SYT9: variants seen among roughly 807,000 people sequenced by gnomAD.
SYT9 encodes synaptotagmin-9.
In SYT9, 22 loss-of-function variants were observed where a neutral mutation model predicts 48.4. The observed-to-expected ratio is 0.45, with a 90% CI of 0.32 to 0.65. The LOEUF is 0.65. Ranked by LOEUF, SYT9 falls within the 30% of genes least tolerant of loss-of-function variation. The pLI, the probability that SYT9 is intolerant of heterozygous loss-of-function variation, is 0.03. For synonymous variants in SYT9, 265 were observed against 245.0 expected (o/e 1.08, Z -0.76); for missense variants, 577 against 622.0 (o/e 0.93, Z 0.77).
At chr11:7,430,388 G>A (rs1247371153) in intron 6 of SYT9, among the ~76,000 whole-genome samples, 1 of 152,152 alleles carries the variant, frequency 6.6e-6, no homozygotes, top group Non-Finnish European at 1.5e-5. Flanking sequence ...ACTATGATGA[G>A]TTATACTCAA....
intron 3 of SYT9, among the ~76,000 whole-genome samples, chr11:7,414,804 A>G (rs1451509620): frequency 6.6e-6 from 1 of 152,206 alleles, no homozygotes. Flanking sequence ...CCAGAGCCGA[A>G]TCTGTGCTTC....
At chr11:7,259,689 T>C (rs975437213) in intron 1 of SYT9, among the ~76,000 whole-genome samples, 2 of 152,196 alleles carry the variant, frequency 1.3e-5, no homozygotes, top group African/African-American at 4.8e-5. Context: ...GAATTTTTTG[T>C]GTTCTCTACC....
chr11:7,385,005 C>T (rs911726180), intron 3 of SYT9, among the ~76,000 whole-genome samples: 4 of 152,148 alleles, frequency 2.6e-5, no homozygotes, highest in African/African-American at 9.7e-5. Context: ...CTCATAATGC[C>T]TTTCCTGACC....
At chr11:7,335,664 G>T (rs1372729568) in intron 3 of SYT9, among the ~76,000 whole-genome samples, 1 of 152,086 alleles carries the variant, frequency 6.6e-6, no homozygotes, top group Non-Finnish European at 1.5e-5. Context: ...TTTTATGGAT[G>T]CATAGTAGTC....
chr11:7,419,451 AG>A lies in SYT9; in HGVS notation c.1338-1052del, dbSNP rs202245760. ...GAGAAAAATCACTCATCTTTGCAGG[AG>A]GGAAAAAAAAAAGAGAAAGTATGTG... On this transcript the variant is annotated intron_variant, in intron 5 of 6. Transcript: ENST00000318881. 1.9e-4 allele frequency among the ~76,000 whole-genome samples: 28 copies of A among 150,870 alleles called. No homozygotes were observed. The East Asian group carries it at 4.1e-3, about 22-fold the overall frequency.
Position 7,421,500 on chromosome 11 carries a change from G to A in SYT9, c.1467+865G>A, listed in dbSNP as rs116284348. On this transcript the variant is annotated intron_variant, in intron 6 of 6. Coordinates refer to ENST00000318881, the MANE Select transcript of SYT9 (RefSeq NM_175733.4). ...TAACCTTTTTGTTGGGTGTCAATGT[G>A]TCCAACTAAAAACCAGGGTTCTGTT... is the stretch of plus-strand genomic sequence containing the variant. Among the ~76,000 whole-genome samples the A allele has an allele frequency of 9.4e-3, 1,434 of 152,302 alleles. 26 individuals are homozygous for A. The highest frequency in any genetic ancestry group is 0.033 in the African/African-American group (1,376 of 41,558).
chr11:7,436,316 A>C (rs1265489227), intron 6 of SYT9, among the ~76,000 whole-genome samples: 2 of 152,196 alleles, frequency 1.3e-5, no homozygotes, highest in East Asian at 3.8e-4. Flanking sequence ...GGTTAGGAAA[A>C]GGGAGAGAAG....
intron 3 of SYT9, among the ~76,000 whole-genome samples, chr11:7,391,735 T>TAAATAAAAAAAAAAA (rs1846615100): frequency 2.8e-5 from 1 of 35,940 alleles, no homozygotes; most frequent in Non-Finnish European, 5.0e-5. Flanking sequence ...ACCCCATCTC[T>TAAATAAAAAAAAAAA]AAAAAAAAAA....
chr11:7,262,096 T>TGATA (rs994319868), intron 1 of SYT9, among the ~76,000 whole-genome samples: 2 of 151,806 alleles, frequency 1.3e-5, no homozygotes, highest in African/African-American at 4.8e-5. Context: ...TGGACCAGAG[T>TGATA]GATAGCAGTG....
intron 6 of SYT9, among the ~76,000 whole-genome samples, chr11:7,421,283 A>G (rs1337674987): frequency 6.6e-6 from 1 of 151,876 alleles, no homozygotes; most frequent in African/African-American, 2.4e-5. Flanking sequence ...TCATTATACA[A>G]TATGGCTGCT....
intron 3 of SYT9, among the ~76,000 whole-genome samples, chr11:7,351,179 T>C (rs1357752106): frequency 1.3e-5 from 2 of 152,230 alleles, no homozygotes; most frequent in Non-Finnish European, 2.9e-5. Context: ...AATGGTTAAG[T>C]ATCATGAACT....
At chr11:7,241,146 C>T (rs1183612694) in intron 1 of SYT9, among the ~76,000 whole-genome samples, 1 of 152,028 alleles carries the variant, frequency 6.6e-6, no homozygotes, top group East Asian at 1.9e-4. Flanking sequence ...ACTTCCTCTA[C>T]TGGCCAAGCC....
chr11:7,245,658 C>G (rs1847783318), intron 1 of SYT9, among the ~76,000 whole-genome samples: 1 of 152,144 alleles, frequency 6.6e-6, no homozygotes, highest in Non-Finnish European at 1.5e-5. Context: ...AAGATCAAGG[C>G]ACTGGCATCT....
Position 7,252,301 on chromosome 11 carries a change from G to T in SYT9, c.115G>T (p.Asp39Tyr). ...CCAGGATTTCATTTACCACCTGCGG[G>T]ACCGTGCCAGACCCCGGCTCCGCGA... ...SCQDFIYHLR[D>Y]RARPRLRDPD... The change falls in exon 1 of 7, where the codon GAC (aspartate) becomes TAC (tyrosine). Residue 39 changes from aspartate (D) to tyrosine (Y), a missense_variant. Physicochemically the swap from Asp to Tyr is radical, Grantham distance 160. Transcript: ENST00000318881. This position sits in a 1 kb window ranked among gnomAD's most constrained non-coding sequence, Gnocchi z 6.3. The T allele has an allele frequency of 6.6e-7, 1 of 1,506,050 alleles. No individual in the cohort carries two copies. Among genetic ancestry groups the T allele is most frequent in the East Asian group, 2.8e-5 (1 of 35,530 alleles). The allele number at this position is 1,506,050 out of a possible 1,614,324, so 93.3% of individuals were successfully genotyped here.
chr11:7,243,943 A>AT (rs10631365), intron 1 of SYT9, among the ~76,000 whole-genome samples: 3,274 of 148,134 alleles, frequency 0.022, 107 homozygotes, highest in African/African-American at 0.074. Flanking sequence ...TGCAGAAAGC[A>AT]TTTTTTTTTT....
chr11:7,281,478 A>G (rs567848108), intron 1 of SYT9, among the ~76,000 whole-genome samples: 2 of 152,318 alleles, frequency 1.3e-5, no homozygotes, highest in East Asian at 3.8e-4. Context: ...TGATGTTATG[A>G]TATTACTGCT....
chr11:7,347,044 A>G (rs1193191506), intron 3 of SYT9, among the ~76,000 whole-genome samples: 3 of 152,146 alleles, frequency 2.0e-5, no homozygotes, highest in Admixed American at 6.5e-5. Flanking sequence ...CCCTTTGTCC[A>G]TGTTTGCTGA....
At chr11:7,381,496 A>T (rs578100375) in intron 3 of SYT9, among the ~76,000 whole-genome samples, 145 of 152,324 alleles carry the variant, frequency 9.5e-4, no homozygotes, top group Middle Eastern at 3.4e-3. Flanking sequence ...CTGCCCTGTC[A>T]TCCTAGACAG....
chr11:7,438,263 A>G (rs184294962), intron 6 of SYT9: 20 of 152,302 alleles, frequency 1.3e-4, no homozygotes, highest in Admixed American at 1.1e-3. Context: ...AAGATACAAG[A>G]GAGGGAGGGG....
Sources: gnomAD v4.1 joint callset for allele counts (sites outside exome capture counted in the v4.1 genomes callset) on GRCh38, gnomAD v4.1.1 for gene constraint, Gnocchi (gnomAD v3.1) non-coding constraint, MANE v1.5 for transcripts, NCBI Gene and HGNC (gene_info 2026-07-23, HGNC 2026-07-21) for gene names.